The following CAMKMT variants were observed in gnomAD, a reference collection of about 807,000 sequenced individuals.
CAMKMT encodes the protein calmodulin-lysine N-methyltransferase.
CAMKMT carries 53 observed loss-of-function variants against 48.0 expected under a neutral mutation model. That is an observed-to-expected ratio of 1.10 (90% confidence interval 0.89 to 1.39). The LOEUF (loss-of-function observed/expected upper bound fraction) is 1.39. Among genes scored for constraint, CAMKMT ranks in the 40% most tolerant of loss-of-function variants. The pLI is 0.00. For synonymous variants in CAMKMT, 165 were observed against 152.3 expected, an observed-to-expected ratio of 1.08 and a Z score of -0.61; for missense variants, 428 against 402.7, an observed-to-expected ratio of 1.06 and a Z score of -0.54.
intron 3 of CAMKMT, among the ~76,000 whole-genome samples, chr2:44,392,665 T>C (rs2104420661): frequency 6.6e-6 from 1 of 152,138 alleles, no homozygotes; most frequent in East Asian, 1.9e-4. Context: ...ACATTTCTAT[T>C]TGATTCATTT....
chr2:44,522,000 T>A (rs1313646881), intron 3 of CAMKMT, among the ~76,000 whole-genome samples: 1 of 151,188 alleles, frequency 6.6e-6, no homozygotes, highest in Non-Finnish European at 1.5e-5. Context: ...TTTCTCTTCT[T>A]TTCTTTCTTT....
At chr2:44,690,565 A>G (rs1251712107) in intron 3 of CAMKMT, among the ~76,000 whole-genome samples, 5 of 152,218 alleles carry the variant, frequency 3.3e-5, no homozygotes, top group Admixed American at 2.6e-4. Flanking sequence ...TTAGCTGGTC[A>G]TAAGGATAAT....
chr2:44,363,987 C>A (rs1357642340), intron 1 of CAMKMT, among the ~76,000 whole-genome samples: 1 of 150,100 alleles, frequency 6.7e-6, no homozygotes, highest in Non-Finnish European at 1.5e-5. Flanking sequence ...ACCATGCCTG[C>A]CACGCCCACC....
intron 3 of CAMKMT, among the ~76,000 whole-genome samples, chr2:44,404,391 A>G (rs1682632476): frequency 6.6e-6 from 1 of 151,970 alleles, no homozygotes; most frequent in Admixed American, 6.6e-5. Flanking sequence ...TAGGGGTGTT[A>G]CTCGTCTTTT....
At chr2:44,442,812 A>T (rs1339450375) in intron 3 of CAMKMT, among the ~76,000 whole-genome samples, 3 of 152,202 alleles carry the variant, frequency 2.0e-5, no homozygotes, top group Non-Finnish European at 2.9e-5. Flanking sequence ...CCTCTTTCTG[A>T]TGAGCTGCTG....
chr2:44,449,653 C>T (rs372506385), intron 3 of CAMKMT, among the ~76,000 whole-genome samples: 2 of 152,190 alleles, frequency 1.3e-5, no homozygotes, highest in South Asian at 2.1e-4. Flanking sequence ...TTTCTTTCTT[C>T]AATGTTTTAG....
chr2:44,619,553 A>G (rs1672068182), intron 3 of CAMKMT, among the ~76,000 whole-genome samples: 1 of 152,202 alleles, frequency 6.6e-6, no homozygotes, highest in South Asian at 2.1e-4. Context: ...CATTTTCTAC[A>G]GTTACATGCT....
intron 2 of CAMKMT, among the ~76,000 whole-genome samples, chr2:44,380,582 G>C (rs2104385114): frequency 6.6e-6 from 1 of 152,188 alleles, no homozygotes; most frequent in South Asian, 2.1e-4. Flanking sequence ...CTTAAGTTTG[G>C]AACAAATGAA....
chr2:44,409,956 T>C (rs1683075829), intron 3 of CAMKMT, among the ~76,000 whole-genome samples: 1 of 152,126 alleles, frequency 6.6e-6, no homozygotes, highest in Non-Finnish European at 1.5e-5. Context: ...TTTAATGAAA[T>C]AGACAAATAA....
chr2:44,509,805 C>G (rs1414319479), intron 3 of CAMKMT, among the ~76,000 whole-genome samples: 1 of 152,152 alleles, frequency 6.6e-6, no homozygotes, highest in Non-Finnish European at 1.5e-5. Flanking sequence ...TGAGGCTACC[C>G]TTTGTGTTTT....
At chr2:44,596,768 G>C (rs1332854635) in intron 3 of CAMKMT, among the ~76,000 whole-genome samples, 3 of 152,050 alleles carry the variant, frequency 2.0e-5, no homozygotes, top group Non-Finnish European at 4.4e-5. Context: ...CTCACCCCGA[G>C]AAAATCCCAG....
intron 3 of CAMKMT, among the ~76,000 whole-genome samples, chr2:44,535,217 G>A (rs1306215345): frequency 6.6e-6 from 1 of 152,052 alleles, no homozygotes; most frequent in Non-Finnish European, 1.5e-5. Flanking sequence ...AACCTGAATA[G>A]ACCAATAACA....
At chr2:44,456,789 C>G in intron 3 of CAMKMT, 4 of 559,498 alleles carry the variant, frequency 7.1e-6, no homozygotes, top group Non-Finnish European at 1.2e-5. Flanking sequence ...CATTAATCAG[C>G]TATCCTATTT....
At chr2:44,492,687 C>T (rs2104717143) in intron 3 of CAMKMT, among the ~76,000 whole-genome samples, 1 of 152,076 alleles carries the variant, frequency 6.6e-6, no homozygotes, top group Middle Eastern at 3.4e-3. Context: ...TGGTGTCAAT[C>T]AGTGGTAATG....
chr2:44,403,008 G>A (rs1682536857), intron 3 of CAMKMT, among the ~76,000 whole-genome samples: 1 of 150,410 alleles, frequency 6.6e-6, no homozygotes, highest in African/African-American at 2.4e-5. Context: ...GTCTGTTACA[G>A]TAGAGGCTTT....
At chr2:44,390,804 A>G (rs138289906) in intron 3 of CAMKMT, among the ~76,000 whole-genome samples, 174 of 152,282 alleles carry the variant, frequency 1.1e-3, no homozygotes, top group African/African-American at 4.0e-3. Context: ...CAGTATTACA[A>G]TATTACAGAA....
chr2:44,395,439 CTATATT>C (rs1438475126), intron 3 of CAMKMT, among the ~76,000 whole-genome samples: 1 of 151,770 alleles, frequency 6.6e-6, no homozygotes, highest in East Asian at 1.9e-4. Context: ...CATTGTATAT[CTATATT>C]TATATACAGA....
chr2:44,741,798 C>T (rs1679691112), intron 7 of CAMKMT, among the ~76,000 whole-genome samples: 1 of 152,184 alleles, frequency 6.6e-6, no homozygotes, highest in Non-Finnish European at 1.5e-5. Context: ...CCCTATCTCT[C>T]CAGTTTGTCT....
chr2:44,502,492 C>T (rs1670054985), intron 3 of CAMKMT, among the ~76,000 whole-genome samples: 1 of 152,174 alleles, frequency 6.6e-6, no homozygotes. Context: ...TGTCCATTCT[C>T]TAGAAATTAA....
Sources: allele counts gnomAD v4.1 joint callset (sites outside exome capture counted in the v4.1 genomes callset), GRCh38; gene constraint gnomAD v4.1.1; transcripts MANE v1.5; gene names NCBI Gene and HGNC (gene_info 2026-07-23, HGNC 2026-07-21).